Variants in SNRPN observed in about 807,000 individuals in gnomAD.
SNRPN encodes small nuclear ribonucleoprotein-associated protein N.
In SNRPN, 7 loss-of-function variants were observed where a neutral mutation model predicts 25.2. That is an observed-to-expected ratio of 0.28 (90% CI 0.16 to 0.52). The LOEUF is 0.52. Among genes scored for constraint, SNRPN ranks in the 20% least tolerant of loss-of-function variants. The pLI is 0.96. For missense variants in SNRPN, 196 were observed against 322.5 expected (o/e 0.61, Z 3.00); for synonymous variants, 124 against 110.6 (o/e 1.12, Z -0.76).
chr15:24,840,537 A>G (rs2051601378), intron 2 of SNRPN, among the ~76,000 whole-genome samples: 2 of 152,282 alleles, frequency 1.3e-5, no homozygotes, highest in Admixed American at 1.3e-4. Flanking sequence ...TAAGGTTTAA[A>G]AGGAAGTGCC....
At chr15:24,972,109 AGCCGGGTGT>A (rs1203213765) in intron 3 of SNRPN, among the ~76,000 whole-genome samples, 1 of 151,972 alleles carries the variant, frequency 6.6e-6, no homozygotes, top group African/African-American at 2.4e-5. Flanking sequence ...TACAAAAATT[AGCCGGGTGT>A]GGTGGCGGGC....
At position 24,831,757 on chromosome 15, in the gene SNRPN, A is replaced by C. The variant is rs148254590; in HGVS notation, c.-579+1852A>C. Among the ~76,000 whole-genome samples, 402 of 152,222 alleles carry C rather than the reference A, an allele frequency of 2.6e-3. 6 individuals are homozygous for C. Among genetic ancestry groups the C allele is most frequent in the African/African-American group, 9.1e-3 (377 of 41,478 alleles). On this transcript the variant is annotated intron_variant, in intron 2 of 12. Coordinates refer to the SNRPN transcript ENST00000400100. ...TTTCTCTTCCCGGCATATTTCATTT[A>C]ACATATTGTCATGCAGATACATTCA...
chr15:24,918,967 A>C (rs1391433929), intron 2 of SNRPN, among the ~76,000 whole-genome samples: 1 of 49,400 alleles, frequency 2.0e-5, no homozygotes, highest in Non-Finnish European at 4.2e-5. Context: ...ATATGCGCGC[A>C]TATATATATA....
intron 1 of SNRPN, among the ~76,000 whole-genome samples, chr15:24,881,660 TA>T (rs199548135): frequency 1.6e-5 from 2 of 128,342 alleles, no homozygotes; most frequent in African/African-American, 5.8e-5. Context: ...AAACAAAAAC[TA>T]AAAAAAAATC....
chr15:24,913,007 T>G (rs2059306236), intron 2 of SNRPN, among the ~76,000 whole-genome samples: 1 of 152,168 alleles, frequency 6.6e-6, no homozygotes, highest in African/African-American at 2.4e-5. Context: ...TGGTGTGATC[T>G]CAGCTCACTG....
intron 1 of SNRPN, among the ~76,000 whole-genome samples, chr15:24,878,242 G>A (rs1362246548): frequency 1.3e-5 from 2 of 152,230 alleles, no homozygotes; most frequent in Non-Finnish European, 2.9e-5. Context: ...GGCGGGTCTA[G>A]GGCTCCTGAA....
intron 2 of SNRPN, among the ~76,000 whole-genome samples, chr15:24,831,960 C>T (rs968381647): frequency 1.1e-4 from 16 of 142,636 alleles, no homozygotes; most frequent in African/African-American, 4.4e-4. Context: ...TCCAACACAC[C>T]GGATAGTCAA....
intron 4 of SNRPN, among the ~76,000 whole-genome samples, chr15:24,975,133 G>A (rs551280899): frequency 1.7e-4 from 26 of 152,296 alleles, no homozygotes; most frequent in Non-Finnish European, 2.9e-4. Flanking sequence ...TCACCTGTAA[G>A]GAGGTGAAAA....
At chr15:24,974,087 C>G (rs994223545) in intron 3 of SNRPN, among the ~76,000 whole-genome samples, 1 of 152,046 alleles carries the variant, frequency 6.6e-6, no homozygotes, top group Admixed American at 6.5e-5. Context: ...TTAGGAATTA[C>G]TAGGTAAAAT....
At chr15:24,953,204 C>G (rs2062416642), upstream of SNRPN, among the ~76,000 whole-genome samples, 1 of 152,184 alleles carries the variant, frequency 6.6e-6, no homozygotes, top group Non-Finnish European at 1.5e-5. Flanking sequence ...GGTCAAGAGT[C>G]AAAGCTAGAA....
intron 2 of SNRPN, among the ~76,000 whole-genome samples, chr15:24,900,625 T>A (rs562669796): frequency 6.6e-6 from 1 of 152,272 alleles, no homozygotes; most frequent in South Asian, 2.1e-4. Flanking sequence ...AACCTATTCC[T>A]AAGGGATAGG....
At chr15:24,861,885 T>TATCATATCCTGCCTCGGCC (rs1566836493) in intron 1 of SNRPN, among the ~76,000 whole-genome samples, 1 of 151,704 alleles carries the variant, frequency 6.6e-6, no homozygotes, top group African/African-American at 2.4e-5. Flanking sequence ...GAAATTGTGC[T>TATCATATCCTGCCTCGGCC]TATGATAGTT....
chr15:24,860,116 C>G (rs577136748), intron 1 of SNRPN, among the ~76,000 whole-genome samples: 2 of 152,264 alleles, frequency 1.3e-5, no homozygotes, highest in Non-Finnish European at 2.9e-5. Flanking sequence ...GTTCACATGC[C>G]TCTGACAGAT....
chr15:24,928,104 AC>A (rs2152783676), intron 3 of SNRPN, among the ~76,000 whole-genome samples: 1 of 152,344 alleles, frequency 6.6e-6, no homozygotes, highest in South Asian at 2.1e-4. Context: ...GATGCAGATG[AC>A]AGGGAACTCT....
At chr15:24,975,764 A>AT (rs1166305678) in intron 5 of SNRPN, among the ~76,000 whole-genome samples, 2 of 152,174 alleles carry the variant, frequency 1.3e-5, no homozygotes, top group Non-Finnish European at 2.9e-5. Context: ...ACTCGTATTT[A>AT]TTTTTAAAAT....
At chr15:24,930,355 A>G (rs1274509520) in intron 3 of SNRPN, among the ~76,000 whole-genome samples, 1 of 151,704 alleles carries the variant, frequency 6.6e-6, no homozygotes, top group African/African-American at 2.4e-5. Context: ...AGGGCAAAAA[A>G]TATTTTATGC....
rs570621156 is a variant in SNRPN, at chr15:24,922,004, G to C, written c.-391+1880G>C. ...ACCTGAGGTCAGGAGTTTGAGACCA[G>C]CCTGGCCAACATGGTGAAACCTCCG... On this transcript the variant is annotated intron_variant, in intron 3 of 11. Coordinates refer to the SNRPN transcript ENST00000400097. Among the ~76,000 whole-genome samples, 4 of 138,994 alleles carry C rather than the reference G, an allele frequency of 2.9e-5. No homozygotes were observed. The Middle Eastern group carries it at 0.012, about 424-fold the overall frequency. 91.2% of individuals were successfully genotyped at this position (138,994 alleles called of 152,430 possible).
At chr15:24,859,300 C>G (rs942458855) in intron 1 of SNRPN, among the ~76,000 whole-genome samples, 48 of 151,948 alleles carry the variant, frequency 3.2e-4, no homozygotes, top group African/African-American at 1.1e-3. Flanking sequence ...TATTCCCAAC[C>G]ATTCAATCCA....
intron 2 of SNRPN, among the ~76,000 whole-genome samples, chr15:24,838,192 G>A (rs1252381827): frequency 2.0e-5 from 3 of 151,476 alleles, no homozygotes; most frequent in Non-Finnish European, 4.4e-5. Flanking sequence ...CTGCCACCAC[G>A]CCCAGGTAAA....
Sources: allele counts gnomAD v4.1 joint callset (sites outside exome capture counted in the v4.1 genomes callset), GRCh38; gene constraint gnomAD v4.1.1; transcripts MANE v1.5; gene names NCBI Gene and HGNC (gene_info 2026-07-23, HGNC 2026-07-21).